AHDC1: variants seen among roughly 807,000 people sequenced by gnomAD.
AHDC1 encodes the protein transcription factor Gibbin.
In AHDC1, 7 loss-of-function variants were observed where a neutral mutation model predicts 87.9. The observed-to-expected ratio is 0.08, with a 90% CI of 0.05 to 0.15. AHDC1 has a LOEUF of 0.15. Among genes scored for constraint, AHDC1 ranks in the 10% least tolerant of loss-of-function variants. The pLI, the probability that AHDC1 is intolerant of heterozygous loss-of-function variation, is 1.00. For missense variants in AHDC1, 1,841 were observed against 2,253.2 expected (o/e 0.82, Z 3.70); for synonymous variants, 1,051 against 1,006.8 (o/e 1.04, Z -0.83).
intron 2 of AHDC1, 91 bp from the exon 3 acceptor site, chr1:27,603,585 C>T (rs1382337199): frequency 6.6e-6 from 1 of 152,566 alleles, no homozygotes; most frequent in Non-Finnish European, 1.5e-5. Context: ...GCCGCTAACT[C>T]CGCTGGACAC....
Position 27,549,369 on chromosome 1 carries a change from G to C in AHDC1, c.2747C>G (p.Ser916Cys). 6.2e-7 allele frequency: 1 copy of C among 1,613,060 alleles called. No homozygotes were observed. The highest frequency in any genetic ancestry group is 8.5e-7 in the Non-Finnish European group (1 of 1,179,786). The change falls in exon 8 of 9, where the codon TCC becomes TGC. Residue 916 changes from serine to cysteine, a missense_variant. Transcript: ENST00000673934. Reference protein sequence around the residue: ...GADPSFQPVLSARQTFPPGRA... With the variant: ...GADPSFQPVLCARQTFPPGRA... ...TCCTGGTGGGAAGGTCTGGCGCGCG[G>C]ACAGGACAGGCTGAAAGGAGGGGTC... is the stretch of plus-strand genomic sequence containing the variant.
At chr1:27,575,877 G>A (rs2088718402) in intron 3 of AHDC1, among the ~76,000 whole-genome samples, 1 of 147,792 alleles carries the variant, frequency 6.8e-6, no homozygotes, top group Admixed American at 6.6e-5. Context: ...CGGGCCCTCT[G>A]CTGCCCGCTG....
rs948679166 is a variant in AHDC1, at chr1:27,595,183, G to C, written c.-629+8214C>G. ...CTACAGAGGGTGTTCTTGTTTGAGT[G>C]GGTGTTTGAAGCAGTGAGTGTATGT... On this transcript the variant is annotated intron_variant, in intron 3 of 8. Coordinates refer to ENST00000673934, the MANE Select transcript of AHDC1 (RefSeq NM_001371928.1). This position sits in a 1 kb window ranked among gnomAD's most constrained non-coding sequence, Gnocchi z 4.0. Among the ~76,000 whole-genome samples the C allele has an allele frequency of 2.0e-5, 3 of 152,078 alleles. No individual in the cohort carries two copies. Among genetic ancestry groups the C allele is most frequent in the Non-Finnish European group, 2.9e-5 (2 of 68,008 alleles).
At position 27,549,939 on chromosome 1, in the gene AHDC1, C is replaced by T. The variant is rs1346182089; in HGVS notation, c.2177G>A (p.Arg726Gln). The T allele has an allele frequency of 2.2e-5, 36 of 1,613,156 alleles. No homozygotes were observed. The highest frequency in any genetic ancestry group is 3.0e-5 in the Non-Finnish European group (35 of 1,179,738). The change falls in exon 8 of 9, where the codon CGG becomes CAG. Residue 726 changes from arginine (R) to glutamine (Q), a missense_variant. Physicochemically the swap from Arg to Gln is conservative, Grantham distance 43. This residue lies in a region of AHDC1 where 236 missense variants were observed against 257.9 expected (regional missense o/e 0.92). Coordinates refer to ENST00000673934, the MANE Select transcript of AHDC1 (RefSeq NM_001371928.1). Reference protein sequence around the residue: ...GLTELGHPRKRGRGEVDAVTG... With the variant: ...GLTELGHPRKQGRGEVDAVTG... ...CACAGCGTCTACCTCCCCCCGGCCC[C>T]GTTTGCGTGGGTGCCCCAACTCAGT...
chr1:27,557,208 G>A (rs1247014200), intron 5 of AHDC1, among the ~76,000 whole-genome samples: 2 of 149,746 alleles, frequency 1.3e-5, no homozygotes, highest in African/African-American at 2.5e-5. Flanking sequence ...CCCTGCCGGC[G>A]GCCCTCCCTT....
intron 3 of AHDC1, among the ~76,000 whole-genome samples, chr1:27,578,276 G>C (rs934419344): frequency 2.0e-5 from 3 of 152,086 alleles, no homozygotes; most frequent in Admixed American, 6.5e-5. Flanking sequence ...CTAGTACTTT[G>C]GATATATTGG....
intron 3 of AHDC1, among the ~76,000 whole-genome samples, chr1:27,569,523 T>C (rs1413145390): frequency 2.0e-5 from 3 of 152,148 alleles, no homozygotes; most frequent in African/African-American, 7.2e-5. Context: ...ATCTCAGAGT[T>C]GAGGTGTAAT....
In AHDC1 at chr1:27,593,308, C is replaced by T. The variant is rs2089279568; in HGVS notation, c.-629+10089G>A. ...CCACAGGGTTCCAGAGACCCTCCTG[C>T]CTGCAGCAATCTTTAAAATTCCTCC... On this transcript the variant is annotated intron_variant, in intron 3 of 8. Transcript: ENST00000673934. This position sits in a 1 kb window ranked among gnomAD's most constrained non-coding sequence, Gnocchi z 4.9. Among the ~76,000 whole-genome samples, 1 of 152,148 alleles carries T rather than the reference C, an allele frequency of 6.6e-6. No homozygotes were observed. The highest frequency in any genetic ancestry group is 6.5e-5 in the Admixed American group (1 of 15,288).
In AHDC1 at chr1:27,548,304, G is replaced by A. The variant is rs1354553377; in HGVS notation, c.3812C>T (p.Pro1271Leu). The change falls in exon 8 of 9, where the codon CCG becomes CTG. Residue 1271 changes from proline to leucine, a missense_variant. Pro to Leu is a moderately conservative substitution (Grantham distance 98). Around this residue, in one of 13 missense-constraint regions of AHDC1, gnomAD observed 505 missense variants for 626.2 expected, o/e 0.81. Coordinates refer to ENST00000673934, the MANE Select transcript of AHDC1 (RefSeq NM_001371928.1). ...PSKRSTGPRQ[P>L]RGGRGGGACS... ...GGCCCCACCGCCCCGTCCACCTCGC[G>A]GCTGCCGGGGCCCAGTGCTCCGTTT... is the stretch of plus-strand genomic sequence containing the variant. 5.6e-6 allele frequency: 9 copies of A among 1,606,100 alleles called. No individual in the cohort carries two copies. The highest frequency in any genetic ancestry group is 1.3e-5 in the African/African-American group (1 of 74,836).
chr1:27,548,919 C>A lies in AHDC1; in HGVS notation c.3197G>T (p.Gly1066Val), dbSNP rs375548971. ...CDSRASTVSP[G>V]GYMVPKGTTA... The stretch of plus-strand genomic sequence containing the variant: ...GGTGCCCTTGGGTACCATGTAGCCA[C>A]CGGGCGAGACTGTGCTGGCCCGGCT... The change falls in exon 8 of 9, where the codon GGT becomes GTT. Residue 1066 changes from glycine (G) to valine (V), a missense_variant. Gly to Val is a moderately radical substitution (Grantham distance 109). Transcript: ENST00000673934. 1.1e-5 allele frequency: 18 copies of A among 1,600,324 alleles called. No individual in the cohort carries two copies. Among genetic ancestry groups the A allele is most frequent in the African/African-American group, 6.7e-5 (5 of 74,764 alleles).
Position 27,550,851 on chromosome 1 carries a change from A to C in AHDC1, c.1265T>G (p.Leu422Arg). ...RLLPLPMPTGLVAALAEPPPP... is the reference protein window; with the variant it reads ...RLLPLPMPTGRVAALAEPPPP... The stretch of plus-strand genomic sequence containing the variant: ...TGGGGGTTCGGCCAGGGCAGCCACC[A>C]GCCCCGTGGGCATAGGCAGGGGCAG... Residue 422 changes from leucine to arginine, a missense_variant, in exon 8 of 9, where the codon CTG becomes CGG. Physicochemically the swap from Leu to Arg is moderately radical, Grantham distance 102 (BLOSUM62 -2). This residue lies in a region of AHDC1 where 370 missense variants were observed against 391.5 expected (regional missense o/e 0.95). Coordinates refer to ENST00000673934, the MANE Select transcript of AHDC1 (RefSeq NM_001371928.1). 1 of 1,573,802 alleles carries C rather than the reference A, an allele frequency of 6.4e-7. No individual in the cohort carries two copies.
At chr1:27,589,437 G>A (rs2089160810) in intron 3 of AHDC1, among the ~76,000 whole-genome samples, 1 of 152,160 alleles carries the variant, frequency 6.6e-6, no homozygotes, top group Admixed American at 6.5e-5. Context: ...GTCTGGTTTT[G>A]TGGGTGTCTA....
At chr1:27,571,687 T>TA in intron 3 of AHDC1, among the ~76,000 whole-genome samples, 1 of 151,828 alleles carries the variant, frequency 6.6e-6, no homozygotes, top group Admixed American at 6.5e-5. Flanking sequence ...CTCGGCCCCC[T>TA]ACTTCACCCA....
Position 27,583,147 on chromosome 1 carries a change from C to T in AHDC1, c.-629+20250G>A, listed in dbSNP as rs148036476. ...CCTCCCAAAGTGCTGGGATTACAGG[C>T]GTGAGCCACCATGCCTGGCCGTTTA... On this transcript the variant is annotated intron_variant, in intron 3 of 8. Coordinates refer to ENST00000673934, the MANE Select transcript of AHDC1 (RefSeq NM_001371928.1). 3.4e-4 allele frequency among the ~76,000 whole-genome samples: 52 copies of T among 152,256 alleles called. No homozygotes were observed. The East Asian group carries it at 7.5e-3, about 22-fold the overall frequency.
chr1:27,556,290 G>A (rs1012861992), intron 5 of AHDC1, among the ~76,000 whole-genome samples: 1 of 140,036 alleles, frequency 7.1e-6, no homozygotes, highest in African/African-American at 2.6e-5. Context: ...TCTCACTTCC[G>A]GCCTCATGAC....
intron 3 of AHDC1, among the ~76,000 whole-genome samples, chr1:27,559,841 C>A (rs567822677): frequency 1.1e-4 from 17 of 152,320 alleles, no homozygotes; most frequent in Admixed American, 2.0e-4. Flanking sequence ...GGTCTGGGAA[C>A]CAGGCCTCAC....
At chr1:27,601,701 C>A (rs971489287) in intron 3 of AHDC1, among the ~76,000 whole-genome samples, 4 of 152,210 alleles carry the variant, frequency 2.6e-5, no homozygotes, top group African/African-American at 4.8e-5. Flanking sequence ...CACAACCCAG[C>A]CTTCCTACCC....
At chr1:27,569,422 T>C (rs1373846872) in intron 3 of AHDC1, among the ~76,000 whole-genome samples, 2 of 152,126 alleles carry the variant, frequency 1.3e-5, no homozygotes, top group Non-Finnish European at 2.9e-5. Context: ...AACCCCATGT[T>C]CTTCCATGTC....
In AHDC1 at chr1:27,551,305, G is replaced by T; in HGVS notation, c.811C>A (p.Pro271Thr). 6.2e-7 allele frequency: 1 copy of T among 1,611,608 alleles called. No homozygotes were observed. The highest frequency in any genetic ancestry group is 8.5e-7 in the Non-Finnish European group (1 of 1,179,312). The change falls in exon 8 of 9, where the codon CCG (proline) becomes ACG (threonine). Residue 271 changes from proline to threonine, a missense_variant. Around this residue, in one of 13 missense-constraint regions of AHDC1, gnomAD observed 370 missense variants for 391.5 expected, o/e 0.95. Transcript: ENST00000673934. ...AQALEPPSPE[P>T]EPQLLDPQPR... ...TGGGGGTCCAGGAGCTGAGGCTCCG[G>T]CTCGGGCGATGGTGGCTCGAGGGCC...
Sources: gnomAD v4.1 joint callset for allele counts (sites outside exome capture counted in the v4.1 genomes callset) on GRCh38, gnomAD v4.1.1 for gene constraint, gnomAD v4.1.1 regional missense constraint, Gnocchi (gnomAD v3.1) non-coding constraint, MANE v1.5 for transcripts, NCBI Gene and HGNC (gene_info 2026-07-23, HGNC 2026-07-21) for gene names.